The following ZNF782 variants were observed in gnomAD, a reference collection of about 807,000 sequenced individuals.
ZNF782 encodes zinc finger protein 782.
In ZNF782, 12 loss-of-function variants were observed where a neutral mutation model predicts 13.0. The ratio of observed to expected loss-of-function variants is 0.92; its 90% CI spans 0.59 to 1.50. The LOEUF is 1.50. Ranked by LOEUF, ZNF782 falls within the 40% of genes most tolerant of loss-of-function variation. The pLI, the probability that ZNF782 is intolerant of heterozygous loss-of-function variation, is 0.00. For synonymous variants in ZNF782, 284 were observed against 283.0 expected, an observed-to-expected ratio of 1.00 and a Z score of -0.04; for missense variants, 770 against 822.9, an observed-to-expected ratio of 0.94 and a Z score of 0.79.
upstream of ZNF782, among the ~76,000 whole-genome samples, chr9:96,876,971 A>AAAAAAG: frequency 7.8e-6 from 1 of 128,034 alleles, no homozygotes; most frequent in Non-Finnish European, 1.5e-5. Flanking sequence ...AAAAAAAAAA[A>AAAAAAG]AAGAAGAAGA....
Position 96,845,012 on chromosome 9 carries a change from G to C in ZNF782, c.20C>G (p.Ser7Ter), listed in dbSNP as rs750622168. Residue 7 changes from serine to a stop codon, truncating the protein, a stop_gained, in exon 4 of 6, where the codon TCA becomes TGA. Coordinates refer to ENST00000481138, the MANE Select transcript of ZNF782 (RefSeq NM_001001662.3). LOFTEE classifies it high-confidence loss of function. ...CACAGTCACGTCCTGGAATGACACTGATGCCTGTAACAGCGCATTTCTAAT... is the reference window on the plus strand; with the variant it reads ...CACAGTCACGTCCTGGAATGACACTCATGCCTGTAACAGCGCATTTCTAAT... MNTFQA[S>*]VSFQDVTVEF... is the part of the protein sequence containing the mutation. 1.6e-5 allele frequency: 26 copies of C among 1,613,958 alleles called. No individual in the cohort carries two copies. In the South Asian group the frequency reaches 2.4e-4, roughly 15 times the overall value.
In ZNF782 at chr9:96,818,249, A is replaced by G. The variant is rs1850244692; in HGVS notation, c.1774T>C (p.Cys592Arg). The G allele has an allele frequency of 6.2e-7, 1 of 1,613,670 alleles. No individual in the cohort carries two copies. The highest frequency in any genetic ancestry group is 8.5e-7 in the Non-Finnish European group (1 of 1,179,960). Residue 592 changes from cysteine (C) to arginine (R), a missense_variant, in exon 6 of 6, where the codon TGT (cysteine) becomes CGT (arginine). Transcript: ENST00000481138. ...RTHTGEKPYQ[C>R]EECGKTFRQK... is the part of the protein sequence containing the mutation. ...CTGAATGTTTTTCCACACTCCTCAC[A>G]TTGATAGGGTTTCTCCCCAGTATGA...
At chr9:96,864,076 TAC>T (rs1198730725) in intron 1 of ZNF782, among the ~76,000 whole-genome samples, 5 of 149,852 alleles carry the variant, frequency 3.3e-5, no homozygotes, top group South Asian at 2.1e-4. Context: ...TACACATACA[TAC>T]ACACACATAT....
chr9:96,873,882 C>A (rs775510750), intron 1 of ZNF782, among the ~76,000 whole-genome samples: 1 of 152,166 alleles, frequency 6.6e-6, no homozygotes, highest in Non-Finnish European at 1.5e-5. Flanking sequence ...GGTATGGAAA[C>A]TAAGTTTCTA....
At chr9:96,890,261 T>G in the ZNF782 span, 2 of 152,430 alleles carry the variant, frequency 1.3e-5, no homozygotes, top group African/African-American at 4.8e-5. Flanking sequence ...CAGCCAGGCC[T>G]GTGCCACCCA....
At chr9:96,885,190 G>C in the ZNF782 span, among the ~76,000 whole-genome samples, 1 of 152,104 alleles carries the variant, frequency 6.6e-6, no homozygotes, top group African/African-American at 2.4e-5. Context: ...AAATCAGATA[G>C]AGTATTATCT....
intron 5 of ZNF782, 33 bp from the exon 6 acceptor site, chr9:96,819,811 T>C (rs777916240): frequency 1.1e-5 from 16 of 1,498,620 alleles, no homozygotes; most frequent in Non-Finnish European, 1.1e-5. Context: ...AACTTTATGA[T>C]ATTTAACACA....
chr9:96,840,535 A>G (rs1851154802), intron 4 of ZNF782, among the ~76,000 whole-genome samples: 1 of 152,066 alleles, frequency 6.6e-6, no homozygotes, highest in Non-Finnish European at 1.5e-5. Flanking sequence ...AAACTCTTCA[A>G]ATCACCCTAT....
chr9:96,844,852 T>C (rs1851298340), intron 4 of ZNF782, 38 bp downstream of exon 4: 3 of 1,613,584 alleles, frequency 1.9e-6, no homozygotes, highest in Non-Finnish European at 2.5e-6. Context: ...GAAACAGAAC[T>C]GCACTCTGGA....
chr9:96,847,981 G>C (rs181957205), intron 3 of ZNF782, among the ~76,000 whole-genome samples: 1 of 152,162 alleles, frequency 6.6e-6, no homozygotes, highest in African/African-American at 2.4e-5. Context: ...GATTAGGTAG[G>C]TTTCACCTCA....
At chr9:96,921,220 AT>A in the ZNF782 span, among the ~76,000 whole-genome samples, 1,621 of 146,456 alleles carry the variant, frequency 0.011, 17 homozygotes, top group African/African-American at 0.017. Flanking sequence ...GTCCAAAATA[AT>A]TTTTTTTTTT....
chr9:96,930,894 TTTTTTTTTTTTTTTTTTTG>T, the ZNF782 span, among the ~76,000 whole-genome samples: 12 of 83,612 alleles, frequency 1.4e-4, no homozygotes, highest in African/African-American at 6.6e-4. Context: ...TTTTTTTTTT[TTTTTTTTTTTTTTTTTTTG>T]AGACGGAGTC....
chr9:96,873,848 G>A (rs1256009162), intron 1 of ZNF782, among the ~76,000 whole-genome samples: 1 of 152,204 alleles, frequency 6.6e-6, no homozygotes, highest in Non-Finnish European at 1.5e-5. Context: ...CTGAAAGTGG[G>A]CAGGTTCTCT....
intron 4 of ZNF782, among the ~76,000 whole-genome samples, chr9:96,843,034 T>G (rs1034622565): frequency 6.6e-6 from 1 of 152,054 alleles, no homozygotes. Context: ...ATACATAAAA[T>G]AGCAACAATG....
intron 5 of ZNF782, among the ~76,000 whole-genome samples, chr9:96,826,420 G>A (rs1850622831): frequency 6.6e-6 from 1 of 152,100 alleles, no homozygotes. Context: ...GAGGGGGAAG[G>A]GATAGCTTTG....
intron 5 of ZNF782, among the ~76,000 whole-genome samples, chr9:96,820,915 C>T (rs1397518676): frequency 1.3e-5 from 2 of 152,176 alleles, no homozygotes; most frequent in African/African-American, 4.8e-5. Flanking sequence ...ACTCATTTCC[C>T]TAAAACCAGC....
At chr9:96,890,484 G>A in the ZNF782 span, 1,363 of 152,464 alleles carry the variant, frequency 8.9e-3, 11 homozygotes, top group South Asian at 0.028. Flanking sequence ...GTGTTTGGGC[G>A]GCTTAGTGGG....
At chr9:96,917,912 G>GTGTGTGTGTGTGTGTGTGTGTGTGTGTA in the ZNF782 span, among the ~76,000 whole-genome samples, 5 of 150,046 alleles carry the variant, frequency 3.3e-5, no homozygotes, top group African/African-American at 1.2e-4. Flanking sequence ...GTGTGTGTGT[G>GTGTGTGTGTGTGTGTGTGTGTGTGTGTA]TGTGTGTGTG....
chr9:96,892,083 A>G, the ZNF782 span: 1 of 152,226 alleles, frequency 6.6e-6, no homozygotes, highest in Non-Finnish European at 1.5e-5. Context: ...CAGGGGGGCT[A>G]TAGGGAACAA....
Sources: gnomAD v4.1 joint callset for allele counts (sites outside exome capture counted in the v4.1 genomes callset) on GRCh38, gnomAD v4.1.1 for gene constraint, MANE v1.5 for transcripts, NCBI Gene and HGNC (gene_info 2026-07-23, HGNC 2026-07-21) for gene names.